The following TDO2 variants were observed in gnomAD, a reference collection of about 807,000 sequenced individuals.
TDO2 encodes the protein tryptophan 2,3-dioxygenase, also known as tryptamin 2,3-dioxygenase.
Under a neutral mutation model 61.2 loss-of-function variants are expected in TDO2, and 63 were observed. That is an observed-to-expected ratio of 1.03 (90% CI 0.84 to 1.27). The LOEUF (loss-of-function observed/expected upper bound fraction) is 1.27. TDO2 is among the 50% of genes most tolerant of loss of function. The pLI, the probability that TDO2 is intolerant of heterozygous loss-of-function variation, is 0.00. For missense variants in TDO2, 494 were observed against 469.5 expected (o/e 1.05, Z -0.48); for synonymous variants, 183 against 164.0 (o/e 1.12, Z -0.89).
intron 9 of TDO2, among the ~76,000 whole-genome samples, chr4:155,916,307 A>G (rs1742934714): frequency 6.9e-6 from 1 of 145,712 alleles, no homozygotes; most frequent in Non-Finnish European, 1.5e-5. Context: ...AGCTGGGACT[A>G]CAGGCGCCCA....
intron 8 of TDO2, 59 bp downstream of exon 8, chr4:155,914,493 A>C (rs1330114820): frequency 1.7e-6 from 2 of 1,176,648 alleles, no homozygotes; most frequent in African/African-American, 3.2e-5. Flanking sequence ...AGATCAAGAC[A>C]TCATTTTATA....
intron 9 of TDO2, among the ~76,000 whole-genome samples, chr4:155,916,300 T>C (rs1378211427): frequency 6.8e-6 from 1 of 146,322 alleles, no homozygotes; most frequent in Non-Finnish European, 1.5e-5. Flanking sequence ...CCCGAGTAGC[T>C]GGGACTACAG....
At chr4:155,917,251 A>G in intron 9 of TDO2, 144 bp from the exon 10 acceptor site, 1 of 595,616 alleles carries the variant, frequency 1.7e-6, no homozygotes, top group Non-Finnish European at 2.9e-6. Flanking sequence ...ACTGAGACTG[A>G]GAGAATAAGC....
rs773537340 is a variant in TDO2 at position 155,904,086 on chromosome 4, C to A, written c.104C>A (p.Ala35Asp). The stretch of plus-strand genomic sequence containing the variant: ...AAATCACAAACTGGTGTGAATAGAG[C>A]CAGCAAAGGAGGTCTTATCTATGGG... ...EDKSQTGVNRASKGGLIYGNY... is the reference protein window; with the variant it reads ...EDKSQTGVNRDSKGGLIYGNY... Residue 35 changes from alanine (A) to aspartate (D), a missense_variant, in exon 2 of 12, where the codon GCC becomes GAC. Physicochemically the swap from Ala to Asp is moderately radical, Grantham distance 126. Transcript: ENST00000536354. 3 of 1,613,976 alleles carry A rather than the reference C, an allele frequency of 1.9e-6. No individual in the cohort carries two copies. Among genetic ancestry groups the A allele is most frequent in the Non-Finnish European group, 2.5e-6 (3 of 1,179,960 alleles).
rs1197892339 is a variant in TDO2, at chr4:155,910,084, A to G, written c.491A>G (p.Lys164Arg). Residue 164 changes from lysine (K) to arginine (R), a missense_variant, in exon 6 of 12, where the codon AAG becomes AGG. By Grantham distance (26) the Lys-to-Arg change is conservative. Transcript: ENST00000536354. Reference protein sequence around the residue: ...QSLQFRLLENKIGVLQNMRVP... With the variant: ...QSLQFRLLENRIGVLQNMRVP... ...TTGCAATTCCGACTATTAGAAAACA[A>G]GATAGGTGTTCTTCAGAACATGAGA... 4 of 1,597,494 alleles carry G rather than the reference A, an allele frequency of 2.5e-6. No homozygotes were observed. In the African/African-American group the frequency reaches 5.4e-5, roughly 22 times the overall value.
At position 155,920,259 on chromosome 4, in the gene TDO2, TA is replaced by T; in HGVS notation, c.*271del. 1 of 396,524 alleles carries T rather than the reference TA, an allele frequency of 2.5e-6. No individual in the cohort carries two copies. The allele number at this position is 396,524 out of a possible 1,614,324, so 24.6% of individuals were successfully genotyped here. ...TCCCCTGAGACTTAATGTAACCACT[TA>T]ATGTAATCACTATCTCATTGTTTCA... is the stretch of plus-strand genomic sequence containing the variant. On this transcript the variant is annotated 3_prime_UTR_variant, in exon 12 of 12. Coordinates refer to ENST00000536354, the MANE Select transcript of TDO2 (RefSeq NM_005651.4).
intron 4 of TDO2, 29 bp from the exon 5 acceptor site, chr4:155,908,858 A>G (rs1348356083): frequency 1.3e-6 from 2 of 1,597,148 alleles, no homozygotes; most frequent in East Asian, 4.5e-5. Flanking sequence ...CAGCATTGCT[A>G]ACTCAGTGTT....
intron 11 of TDO2, among the ~76,000 whole-genome samples, 173 bp downstream of exon 11, chr4:155,918,412 T>C (rs531345123): frequency 1.3e-5 from 2 of 152,352 alleles, no homozygotes; most frequent in African/African-American, 2.4e-5. Flanking sequence ...TTTTATAAAA[T>C]CTTTAATTAT....
intron 11 of TDO2, among the ~76,000 whole-genome samples, chr4:155,919,498 T>C (rs1040101460): frequency 6.6e-6 from 1 of 152,168 alleles, no homozygotes; most frequent in Non-Finnish European, 1.5e-5. Flanking sequence ...TTTAAATGTA[T>C]TACCTTGCAT....
intron 1 of TDO2, 48 bp from the exon 2 acceptor site, chr4:155,903,970 G>C: frequency 6.5e-7 from 1 of 1,549,804 alleles, no homozygotes; most frequent in Non-Finnish European, 8.9e-7. Context: ...TTAGTTAACT[G>C]TGTTTTCTAA....
chr4:155,905,018 A>C (rs1742693685), intron 2 of TDO2, 49 bp from the exon 3 acceptor site: 1 of 1,393,248 alleles, frequency 7.2e-7, no homozygotes, highest in African/African-American at 1.5e-5. Context: ...AAAGTTCATA[A>C]AAACCAAGTT....
Position 155,914,426 on chromosome 4 carries a change from T to G in TDO2, c.830T>G (p.Leu277Arg). The G allele has an allele frequency of 6.3e-7, 1 of 1,588,030 alleles. No homozygotes were observed. The highest frequency in any genetic ancestry group is 8.5e-7 in the Non-Finnish European group (1 of 1,172,582). The change falls in exon 8 of 12, where the codon CTT becomes CGT. Residue 277 changes from leucine to arginine, a missense_variant. Leu to Arg is a moderately radical substitution (Grantham distance 102). Transcript: ENST00000536354. ...LFDEKRHEHL[L>R]SKGERRLSYR... ...GATGAGAAACGTCATGAACATCTCC[T>G]TAGTAAAGGCAGGTATTTTTACTTT...
chr4:155,908,899 A>AG lies in TDO2; in HGVS notation c.318dup (p.Asn107GlufsTer4), dbSNP rs762876851. On this transcript the variant is annotated frameshift_variant, in exon 5 of 12. Transcript: ENST00000536354. LOFTEE classifies it high-confidence loss of function. ...TCTTAACCTTCAGGTCAGAGATGAA[A>AG]GGAACATGCTTAAGGTTGTTTCTCG... 1 of 1,610,188 alleles carries AG rather than the reference A, an allele frequency of 6.2e-7. No homozygotes were observed. Among genetic ancestry groups the AG allele is most frequent in the Non-Finnish European group, 8.5e-7 (1 of 1,178,328 alleles).
chr4:155,912,933 C>T (rs1242496011), intron 7 of TDO2, among the ~76,000 whole-genome samples: 1 of 152,130 alleles, frequency 6.6e-6, no homozygotes, highest in East Asian at 1.9e-4. Flanking sequence ...TCCATCTAGG[C>T]TGTCGTCAGA....
At position 155,919,916 on chromosome 4, in the gene TDO2, C is replaced by G. The variant is rs756884760; in HGVS notation, c.1147C>G (p.Pro383Ala). The G allele has an allele frequency of 1.9e-6, 3 of 1,613,374 alleles. No individual in the cohort carries two copies. The African/African-American group carries it at 4.0e-5, about 22-fold the overall frequency. ...IPRHWIPKMN[P>A]TIHKFLYTAE... ...CCGACACTGGATACCGAAGATGAAC[C>G]CAACCATTCACAAATTTCTATATAC... Residue 383 changes from proline (P) to alanine (A), a missense_variant, in exon 12 of 12, where the codon CCA (proline) becomes GCA (alanine). Physicochemically the swap from Pro to Ala is conservative, Grantham distance 27 (BLOSUM62 -1). Coordinates refer to ENST00000536354, the MANE Select transcript of TDO2 (RefSeq NM_005651.4).
At chr4:155,914,823 T>G (rs573941235) in intron 8 of TDO2, among the ~76,000 whole-genome samples, 8 of 152,296 alleles carry the variant, frequency 5.3e-5, no homozygotes, top group Non-Finnish European at 7.4e-5. Context: ...TGTCGCCCCA[T>G]TGTTTTAGAA....
intron 7 of TDO2, among the ~76,000 whole-genome samples, chr4:155,913,060 C>T (rs1458030352): frequency 6.6e-6 from 1 of 152,110 alleles, no homozygotes; most frequent in African/African-American, 2.4e-5. Context: ...TAATCTACCA[C>T]TACCACTCAA....
chr4:155,907,022 G>A (rs748811477), intron 3 of TDO2: 9 of 152,074 alleles, frequency 5.9e-5, no homozygotes, highest in African/African-American at 1.4e-4. Context: ...TTAATCCTTC[G>A]ACAGAAAAGC....
At chr4:155,907,906 GAACA>G (rs1289544743) in intron 4 of TDO2, 114 bp downstream of exon 4, 10 of 708,932 alleles carry the variant, frequency 1.4e-5, no homozygotes, top group African/African-American at 5.5e-5. Flanking sequence ...TTTAATGATA[GAACA>G]AACAGACATT....
Sources: allele counts gnomAD v4.1 joint callset (sites outside exome capture counted in the v4.1 genomes callset), GRCh38; gene constraint gnomAD v4.1.1; transcripts MANE v1.5; gene names NCBI Gene and HGNC (gene_info 2026-07-23, HGNC 2026-07-21).